VIPR2: variants seen among roughly 807,000 people sequenced by gnomAD.
VIPR2 encodes vasoactive intestinal polypeptide receptor 2.
In VIPR2, 48 loss-of-function variants were observed where a neutral mutation model predicts 58.0. That is an observed-to-expected ratio of 0.83 (90% confidence interval 0.66 to 1.05). The LOEUF (loss-of-function observed/expected upper bound fraction) is 1.05. Ranked by LOEUF, VIPR2 falls within the 50% of genes least tolerant of loss-of-function variation. VIPR2 has a pLI of 0.00. For synonymous variants in VIPR2, 243 were observed against 235.2 expected, an observed-to-expected ratio of 1.03 and a Z score of -0.30; for missense variants, 534 against 558.0, an observed-to-expected ratio of 0.96 and a Z score of 0.43.
chr7:159,141,515 G>T (rs770923513), intron 2 of VIPR2, among the ~76,000 whole-genome samples: 1 of 152,228 alleles, frequency 6.6e-6, no homozygotes, highest in Non-Finnish European at 1.5e-5. Flanking sequence ...AAACTGTGTC[G>T]TGCTGTAAGC....
At chr7:159,049,281 T>C (rs1854838280) in intron 5 of VIPR2, among the ~76,000 whole-genome samples, 1 of 151,922 alleles carries the variant, frequency 6.6e-6, no homozygotes, top group Non-Finnish European at 1.5e-5. Flanking sequence ...AAAGAGGACC[T>C]CCACTTGTGG....
intron 2 of VIPR2, among the ~76,000 whole-genome samples, chr7:159,140,681 G>A (rs1398193975): frequency 1.3e-5 from 2 of 152,216 alleles, no homozygotes; most frequent in African/African-American, 2.4e-5. Context: ...CGCTGCCTGC[G>A]AGGGGCTCTC....
intron 2 of VIPR2, among the ~76,000 whole-genome samples, chr7:159,133,022 A>G (rs1797036417): frequency 7.0e-6 from 1 of 143,348 alleles, no homozygotes; most frequent in Non-Finnish European, 1.5e-5. Flanking sequence ...GATTTCAGAC[A>G]GAATGATTCC....
In VIPR2 at chr7:159,031,595, G is replaced by A. The variant is rs899355690; in HGVS notation, c.1143+233C>T. 21 of 985,416 alleles carry A rather than the reference G, an allele frequency of 2.1e-5. No homozygotes were observed. Among genetic ancestry groups the A allele is most frequent in the African/African-American group, 5.2e-5 (3 of 57,364 alleles). The allele number at this position is 985,416 out of a possible 1,614,324, so 61.0% of individuals were successfully genotyped here. A position where few individuals can be genotyped will look rare whatever the true frequency, so the allele number is the denominator to read the frequency against. On this transcript the variant is annotated intron_variant, in intron 12 of 12. Coordinates refer to ENST00000262178, the MANE Select transcript of VIPR2 (RefSeq NM_003382.5). This position sits in a 1 kb window ranked among gnomAD's most constrained non-coding sequence, Gnocchi z 4.0. ...GAGGGCTCCGAGACGGACGGCAGTC[G>A]ATGCTACTTAGGGTGGACGGAAGGA...
intron 4 of VIPR2, among the ~76,000 whole-genome samples, chr7:159,062,343 A>C (rs557965285): frequency 6.6e-6 from 1 of 152,266 alleles, no homozygotes; most frequent in East Asian, 1.9e-4. Flanking sequence ...TGAAGAACTA[A>C]GACACGGACC....
intron 4 of VIPR2, among the ~76,000 whole-genome samples, chr7:159,068,358 C>T (rs1355999480): frequency 1.3e-5 from 2 of 152,220 alleles, no homozygotes; most frequent in Non-Finnish European, 2.9e-5. Context: ...AAATCAAGCA[C>T]ACTCAGCATT....
At chr7:159,043,759 G>C (rs536546173) in intron 5 of VIPR2, among the ~76,000 whole-genome samples, 1 of 152,316 alleles carries the variant, frequency 6.6e-6, no homozygotes, top group Non-Finnish European at 1.5e-5. Context: ...TGACCTTTCT[G>C]TGGGTTCTGG....
At chr7:159,059,956 C>G (rs980644353) in intron 4 of VIPR2, among the ~76,000 whole-genome samples, 1 of 151,410 alleles carries the variant, frequency 6.6e-6, no homozygotes, top group Non-Finnish European at 1.5e-5. Flanking sequence ...CTCACTTCAC[C>G]TAACAGTCAC....
At chr7:159,105,219 G>A (rs565952619) in intron 3 of VIPR2, among the ~76,000 whole-genome samples, 2 of 152,198 alleles carry the variant, frequency 1.3e-5, no homozygotes, top group South Asian at 2.1e-4. Flanking sequence ...GCCTTGCCCC[G>A]AGCATGGCTG....
At chr7:159,058,648 G>C (rs1855462222) in intron 4 of VIPR2, 70 bp from the exon 5 acceptor site, 2 of 1,202,794 alleles carry the variant, frequency 1.7e-6, no homozygotes, top group African/African-American at 1.5e-5. Context: ...AATGGTTCCA[G>C]GATCCAGCCC....
chr7:159,132,769 C>T (rs201254950), intron 2 of VIPR2, among the ~76,000 whole-genome samples: 77 of 121,068 alleles, frequency 6.4e-4, no homozygotes, highest in African/African-American at 2.9e-3. Flanking sequence ...AGACTGATTT[C>T]AGACAGAATG....
At chr7:159,142,832 G>A (rs1797528173) in intron 1 of VIPR2, among the ~76,000 whole-genome samples, 1 of 152,194 alleles carries the variant, frequency 6.6e-6, no homozygotes, top group Non-Finnish European at 1.5e-5. Flanking sequence ...AGGCAACAGA[G>A]CTCTTTACTC....
chr7:159,101,270 G>C (rs942330698), intron 4 of VIPR2, among the ~76,000 whole-genome samples: 2 of 149,326 alleles, frequency 1.3e-5, no homozygotes, highest in Non-Finnish European at 3.0e-5. Context: ...GATCCGATGA[G>C]GCGGTTCCCC....
chr7:159,119,786 C>T (rs548155522), intron 2 of VIPR2, among the ~76,000 whole-genome samples: 182 of 147,718 alleles, frequency 1.2e-3, no homozygotes, highest in African/African-American at 4.6e-3. Context: ...CCTTGCAAGG[C>T]CTTCCTACCC....
intron 2 of VIPR2, among the ~76,000 whole-genome samples, chr7:159,136,273 T>C (rs1308633692): frequency 6.6e-6 from 1 of 151,820 alleles, no homozygotes; most frequent in Non-Finnish European, 1.5e-5. Context: ...CTCTTCTTCT[T>C]ATAAAACCTA....
chr7:159,123,584 T>C (rs113247807), intron 2 of VIPR2, among the ~76,000 whole-genome samples: 3,220 of 152,320 alleles, frequency 0.021, 127 homozygotes, highest in African/African-American at 0.074. Context: ...ATTCTATGTC[T>C]TTGCTATTGT....
chr7:159,132,467 G>A (rs1418891571), intron 2 of VIPR2, among the ~76,000 whole-genome samples: 16 of 151,808 alleles, frequency 1.1e-4, no homozygotes, highest in Non-Finnish European at 1.8e-4. Context: ...GGATCCAGTC[G>A]GAGGCCTCAG....
rs144738470 is a variant in VIPR2 at position 159,073,003 on chromosome 7, A to C, written c.358-14425T>G. Among the ~76,000 whole-genome samples, 617 of 152,346 alleles carry C rather than the reference A, an allele frequency of 4.0e-3. 2 individuals carry two copies. The highest frequency in any genetic ancestry group is 0.014 in the African/African-American group (578 of 41,586). On this transcript the variant is annotated intron_variant, in intron 4 of 12. Transcript: ENST00000262178. ...ATTTTTTTAAAGTCTGTGAAATATA[A>C]GTTGTAAAAATGTTAGTGAACCCAG...
chr7:159,088,412 T>C (rs961460209), intron 4 of VIPR2, among the ~76,000 whole-genome samples: 6 of 151,156 alleles, frequency 4.0e-5, no homozygotes, highest in African/African-American at 1.5e-4. Context: ...CAGCTGTTCA[T>C]CCGCACACAT....
Sources: allele counts gnomAD v4.1 joint callset (sites outside exome capture counted in the v4.1 genomes callset), GRCh38; gene constraint gnomAD v4.1.1; non-coding constraint Gnocchi (gnomAD v3.1); transcripts MANE v1.5; gene names NCBI Gene and HGNC (gene_info 2026-07-23, HGNC 2026-07-21).